The following BCO1 variants were observed in gnomAD, a reference collection of about 807,000 sequenced individuals.
BCO1 encodes beta,beta-carotene 15,15'-dioxygenase.
Under a neutral mutation model 56.3 loss-of-function variants are expected in BCO1, and 54 were observed. That is an observed-to-expected ratio of 0.96 (90% CI 0.77 to 1.20). The LOEUF (loss-of-function observed/expected upper bound fraction) is 1.20. Ranked by LOEUF, BCO1 falls within the 50% of genes most tolerant of loss-of-function variation. The pLI is 0.00. For synonymous variants in BCO1, 318 were observed against 266.1 expected, an observed-to-expected ratio of 1.20 and a Z score of -1.90; for missense variants, 801 against 690.9, an observed-to-expected ratio of 1.16 and a Z score of -1.79.
chr16:81,275,228 C>A (rs1907480686), intron 7 of BCO1, among the ~76,000 whole-genome samples: 2 of 152,216 alleles, frequency 1.3e-5, no homozygotes, highest in South Asian at 2.1e-4. Flanking sequence ...CATTGCTTTC[C>A]CCTCTGTCTG....
intron 5 of BCO1, among the ~76,000 whole-genome samples, chr16:81,266,278 G>A (rs375670573): frequency 1.3e-5 from 2 of 152,194 alleles, no homozygotes; most frequent in Admixed American, 1.3e-4. Context: ...ATGATCCTGA[G>A]GGGGAGGAGG....
intron 7 of BCO1, among the ~76,000 whole-genome samples, chr16:81,276,174 C>G (rs1217137430): frequency 6.6e-6 from 1 of 152,238 alleles, no homozygotes; most frequent in African/African-American, 2.4e-5. Flanking sequence ...AGGTGCCAGG[C>G]TCTGTGTTCA....
intron 2 of BCO1, among the ~76,000 whole-genome samples, chr16:81,252,654 G>T (rs148806916): frequency 3.3e-5 from 5 of 152,322 alleles, no homozygotes; most frequent in Non-Finnish European, 5.9e-5. Flanking sequence ...TGAAAGACAG[G>T]CTGGCTCAAA....
In BCO1 at chr16:81,282,420, G is replaced by A. The variant is rs538090285; in HGVS notation, c.1207+1458G>A. Among the ~76,000 whole-genome samples the A allele has an allele frequency of 3.3e-5, 5 of 152,182 alleles. No homozygotes were observed. The East Asian group carries it at 9.7e-4, about 29-fold the overall frequency. On this transcript the variant is annotated intron_variant, in intron 8 of 10. Transcript: ENST00000258168. Reference sequence around the variant, plus strand: ...CAAAAACAAAAACAAAAAACCCTGAGAGCCTTGTTCCATCAGCTGCCCCAT... The same window carrying A: ...CAAAAACAAAAACAAAAAACCCTGAAAGCCTTGTTCCATCAGCTGCCCCAT...
At chr16:81,239,237 G>A (rs959439405) in intron 1 of BCO1, among the ~76,000 whole-genome samples, 1 of 151,884 alleles carries the variant, frequency 6.6e-6, no homozygotes, top group Admixed American at 6.6e-5. Flanking sequence ...GGCTGGTCTC[G>A]AACTCCTAGC....
At chr16:81,249,678 G>A (rs1905666762) in intron 2 of BCO1, among the ~76,000 whole-genome samples, 1 of 152,206 alleles carries the variant, frequency 6.6e-6, no homozygotes, top group Non-Finnish European at 1.5e-5. Flanking sequence ...TGGGATTACA[G>A]GCGTGAGCCA....
intron 10 of BCO1, among the ~76,000 whole-genome samples, chr16:81,288,397 G>T (rs748147183): frequency 6.6e-6 from 1 of 152,112 alleles, no homozygotes; most frequent in Admixed American, 6.5e-5. Flanking sequence ...CAAGTAGCTG[G>T]AGCTACAGGG....
chr16:81,278,891 A>AAATTTGTT (rs1907707381), intron 7 of BCO1, among the ~76,000 whole-genome samples: 1 of 151,524 alleles, frequency 6.6e-6, no homozygotes, highest in Admixed American at 6.6e-5. Flanking sequence ...ATTTCCGAGG[A>AAATTTGTT]CCCTTGCGGT....
intron 2 of BCO1, among the ~76,000 whole-genome samples, chr16:81,251,159 G>T (rs764088789): frequency 2.0e-5 from 3 of 151,250 alleles, no homozygotes; most frequent in Non-Finnish European, 4.4e-5. Flanking sequence ...AGGTGCTTAA[G>T]ACCAAACATC....
intron 1 of BCO1, among the ~76,000 whole-genome samples, chr16:81,243,077 G>T (rs1230855969): frequency 6.6e-6 from 1 of 152,158 alleles, no homozygotes; most frequent in South Asian, 2.1e-4. Context: ...CCTGCCAGGG[G>T]CTGGGGTAAG....
intron 2 of BCO1, among the ~76,000 whole-genome samples, chr16:81,254,448 G>T (rs1483953464): frequency 6.7e-6 from 1 of 149,628 alleles, no homozygotes; most frequent in Middle Eastern, 3.3e-3. Context: ...ACCACACCAA[G>T]CATTTTTTTT....
intron 7 of BCO1, among the ~76,000 whole-genome samples, chr16:81,278,565 A>G (rs1907689267): frequency 6.6e-6 from 1 of 152,238 alleles, no homozygotes; most frequent in African/African-American, 2.4e-5. Context: ...CATGCGGCAG[A>G]CAAGCTAAAA....
At chr16:81,266,164 C>A (rs553399785) in intron 5 of BCO1, among the ~76,000 whole-genome samples, 1 of 152,226 alleles carries the variant, frequency 6.6e-6, no homozygotes, top group African/African-American at 2.4e-5. Flanking sequence ...GAGCTCAGTC[C>A]TGCTGGGATC....
At position 81,290,532 on chromosome 16, in the gene BCO1, A is replaced by G; in HGVS notation, c.1599A>G (p.Glu533=). ...WDTKKQAASE[E]QRDRASDCHG... ...CAAAAAAGCAGGCCGCTTCTGAGGAACAGCGGGACAGGGCTTCCGACTGCC... is the reference window on the plus strand; with the variant it reads ...CAAAAAAGCAGGCCGCTTCTGAGGAGCAGCGGGACAGGGCTTCCGACTGCC... Residue 533 remains glutamate, a synonymous_variant, in exon 11 of 11, where the codon GAA becomes GAG. Coordinates refer to ENST00000258168, the MANE Select transcript of BCO1 (RefSeq NM_017429.3). The G allele has an allele frequency of 6.2e-7, 1 of 1,614,120 alleles. No individual in the cohort carries two copies. Among genetic ancestry groups the G allele is most frequent in the East Asian group, 2.2e-5 (1 of 44,880 alleles).
chr16:81,239,033 TTG>T lies in BCO1; in HGVS notation c.64+62_64+63del, dbSNP rs1264683687. 6 of 1,377,580 alleles carry T rather than the reference TTG, an allele frequency of 4.4e-6. No homozygotes were observed. The African/African-American group carries it at 7.8e-5, about 18-fold the overall frequency. The allele number at this position is 1,377,580 out of a possible 1,614,324, so 85.3% of individuals were successfully genotyped here. On this transcript the variant is annotated intron_variant, in intron 1 of 10. Coordinates refer to ENST00000258168, the MANE Select transcript of BCO1 (RefSeq NM_017429.3). ...ATTTATTTTATTATTTTTTTTTTTT[TTG>T]AGGCGGAGTCTCGCTCTGTCGCCCG...
chr16:81,283,882 A>T (rs1908016891), intron 8 of BCO1, among the ~76,000 whole-genome samples: 1 of 151,926 alleles, frequency 6.6e-6, no homozygotes, highest in Non-Finnish European at 1.5e-5. Context: ...CAATAGGCAT[A>T]TATACATATA....
chr16:81,240,798 C>T (rs891613462), intron 1 of BCO1, among the ~76,000 whole-genome samples: 5 of 151,354 alleles, frequency 3.3e-5, no homozygotes, highest in African/African-American at 9.7e-5. Context: ...CAAAAATAAT[C>T]GCGGTTTTTG....
chr16:81,258,641 G>T (rs1234926276), intron 2 of BCO1, among the ~76,000 whole-genome samples: 2 of 152,224 alleles, frequency 1.3e-5, no homozygotes, highest in Non-Finnish European at 2.9e-5. Context: ...ACTCTCAGAT[G>T]GGTGACCCTG....
At chr16:81,247,530 T>G (rs944093902) in intron 2 of BCO1, among the ~76,000 whole-genome samples, 1 of 152,166 alleles carries the variant, frequency 6.6e-6, no homozygotes, top group East Asian at 1.9e-4. Context: ...ATTTTTATTT[T>G]TATTTATGTT....
Sources: allele counts gnomAD v4.1 joint callset (sites outside exome capture counted in the v4.1 genomes callset), GRCh38; gene constraint gnomAD v4.1.1; transcripts MANE v1.5; gene names NCBI Gene and HGNC (gene_info 2026-07-23, HGNC 2026-07-21).